TSG101: variants seen among roughly 807,000 people sequenced by gnomAD.
The protein encoded by TSG101 is tumor susceptibility 101.
Under a neutral mutation model 48.5 loss-of-function variants are expected in TSG101, and 19 were observed. The ratio of observed to expected loss-of-function variants is 0.39; its 90% confidence interval spans 0.27 to 0.58. TSG101 has a LOEUF of 0.58. Ranked by LOEUF, TSG101 falls within the 20% of genes least tolerant of loss-of-function variation. TSG101 has a pLI of 0.55. For synonymous variants in TSG101, 174 were observed against 169.4 expected (o/e 1.03, Z -0.21); for missense variants, 365 against 484.4 (o/e 0.75, Z 2.31).
In TSG101 at chr11:18,481,780, G is replaced by C; in HGVS notation, c.933C>G (p.Asn311Lys). Residue 311 changes from asparagine (N) to lysine (K), a missense_variant, in exon 9 of 10, where the codon AAC (asparagine) becomes AAG (lysine). Transcript: ENST00000251968. ...ALEKMENQSE[N>K]NDIDEVIIPT... ...GAATGATAACTTCATCGATATCATT[G>C]TTTTCAGACTGATTTTCCATTTTTT... The C allele has an allele frequency of 1.2e-6, 2 of 1,614,122 alleles. No individual in the cohort carries two copies. The highest frequency in any genetic ancestry group is 1.7e-6 in the Non-Finnish European group (2 of 1,180,020).
At chr11:18,517,392 G>A (rs1341643861) in intron 2 of TSG101, among the ~76,000 whole-genome samples, 1 of 152,074 alleles carries the variant, frequency 6.6e-6, no homozygotes, top group Non-Finnish European at 1.5e-5. Flanking sequence ...TAATTAATAT[G>A]GCACATAGTT....
chr11:18,508,221 CTTTTT>C (rs528297285), intron 5 of TSG101, among the ~76,000 whole-genome samples: 6 of 135,886 alleles, frequency 4.4e-5, no homozygotes, highest in African/African-American at 5.4e-5. Context: ...TATTTGATAT[CTTTTT>C]TTTTTTTTTT....
intron 6 of TSG101, among the ~76,000 whole-genome samples, chr11:18,502,983 C>T (rs1453397698): frequency 6.6e-6 from 1 of 152,094 alleles, no homozygotes; most frequent in African/African-American, 2.4e-5. Flanking sequence ...ATATTTAACC[C>T]GAAAACACTT....
At chr11:18,498,997 C>T (rs543680427) in intron 7 of TSG101, among the ~76,000 whole-genome samples, 1 of 151,442 alleles carries the variant, frequency 6.6e-6, no homozygotes, top group South Asian at 2.1e-4. Flanking sequence ...TTGGATGTAA[C>T]CTCAAAAAGT....
chr11:18,516,005 G>A, intron 3 of TSG101, 94 bp downstream of exon 3: 9 of 1,110,266 alleles, frequency 8.1e-6, no homozygotes, highest in African/African-American at 1.6e-5. Context: ...TCAAAGCCCT[G>A]AGAAAGTAGG....
Position 18,480,351 on chromosome 11 carries a change from CAA to C in TSG101, c.*193_*194del, listed in dbSNP as rs1261243950. On this transcript the variant is annotated 3_prime_UTR_variant, in exon 10 of 10. Coordinates refer to ENST00000251968, the MANE Select transcript of TSG101 (RefSeq NM_006292.4). ...TATTTAGCAGTCCCAACATTCAGCA[CAA>C]AAAGTTTACAGAGGATAGAAAGTGC... 4 of 403,812 alleles carry C rather than the reference CAA, an allele frequency of 9.9e-6. No individual in the cohort carries two copies. The highest frequency in any genetic ancestry group is 6.1e-5 in the African/African-American group (3 of 48,950). The allele number at this position is 403,812 out of a possible 1,614,324, so 25.0% of individuals were successfully genotyped here. A position where few individuals can be genotyped will look rare whatever the true frequency, so the allele number is the denominator to read the frequency against.
At chr11:18,520,508 G>A (rs16935515) in intron 1 of TSG101, among the ~76,000 whole-genome samples, 3,810 of 152,234 alleles carry the variant, frequency 0.025, 63 homozygotes, top group Non-Finnish European at 0.039. Context: ...TTACAGGCAC[G>A]TATGGCCCAC....
chr11:18,490,328 G>A, intron 7 of TSG101: 1 of 596,850 alleles, frequency 1.7e-6, no homozygotes, highest in Non-Finnish European at 3.2e-6. Context: ...TCAGAGTGCT[G>A]TCTTTATAAG....
chr11:18,481,747 A>T lies in TSG101; in HGVS notation c.966T>A (p.Ala322=), dbSNP rs750598030. ...GATTCAGGATCTGTTTGTATAAGGGAGCTGTGGGAATGATAACTTCATCGA... is the reference window on the plus strand; with the variant it reads ...GATTCAGGATCTGTTTGTATAAGGGTGCTGTGGGAATGATAACTTCATCGA... ...NDIDEVIIPT[A]PLYKQILNLY... Residue 322 remains alanine (A), a synonymous_variant, in exon 9 of 10, where the codon GCT becomes GCA. Transcript: ENST00000251968. The T allele has an allele frequency of 1.2e-6, 2 of 1,614,144 alleles. No homozygotes were observed. The highest frequency in any genetic ancestry group is 1.7e-6 in the Non-Finnish European group (2 of 1,180,022).
At chr11:18,521,669 C>CTTTTTTTTTTTTTTTTTTT (rs1565096217) in intron 1 of TSG101, among the ~76,000 whole-genome samples, 1 of 111,440 alleles carries the variant, frequency 9.0e-6, no homozygotes. Context: ...CTGGCCCCTT[C>CTTTTTTTTTTTTTTTTTTT]CTTTTTTTTT....
intron 1 of TSG101, among the ~76,000 whole-genome samples, chr11:18,526,064 C>T (rs1334643299): frequency 3.9e-5 from 6 of 151,900 alleles, no homozygotes; most frequent in African/African-American, 1.2e-4. Flanking sequence ...GTGTGAGGTG[C>T]CACGTTTGAA....
chr11:18,491,580 TATTTTA>T (rs1485962706), intron 7 of TSG101, among the ~76,000 whole-genome samples: 6 of 152,250 alleles, frequency 3.9e-5, no homozygotes, highest in Admixed American at 6.5e-5. Flanking sequence ...TTCCTCAGCC[TATTTTA>T]ATCTGTATCT....
At chr11:18,507,070 C>A (rs1849986568) in intron 5 of TSG101, 147 bp from the exon 6 acceptor site, 1 of 472,006 alleles carries the variant, frequency 2.1e-6, no homozygotes, top group Non-Finnish European at 3.7e-6. Context: ...AAAACAAATA[C>A]CTCTCCCTTT....
At chr11:18,494,753 G>C (rs1355270371) in intron 7 of TSG101, among the ~76,000 whole-genome samples, 1 of 152,082 alleles carries the variant, frequency 6.6e-6, no homozygotes, top group Non-Finnish European at 1.5e-5. Flanking sequence ...GCGTGCACTA[G>C]TAAACCCACA....
chr11:18,511,800 C>T (rs1283522590), intron 4 of TSG101, among the ~76,000 whole-genome samples: 1 of 152,180 alleles, frequency 6.6e-6, no homozygotes, highest in African/African-American at 2.4e-5. Context: ...TCCCGTTTCC[C>T]TTTCCCCACA....
rs540996156 is a variant in TSG101, at chr11:18,501,988, G to C, written c.640+498C>G. Among the ~76,000 whole-genome samples, 24 of 152,324 alleles carry C rather than the reference G, an allele frequency of 1.6e-4. No individual in the cohort carries two copies. In the South Asian group the frequency reaches 5.0e-3, roughly 32 times the overall value. On this transcript the variant is annotated intron_variant, in intron 7 of 9. Coordinates refer to ENST00000251968, the MANE Select transcript of TSG101 (RefSeq NM_006292.4). ...ATGGTGGTGCAGGTAGTGGGAGATAGGCATAGGTGAAGGCTGGAGTCTAAA... is the reference window on the plus strand; with the variant it reads ...ATGGTGGTGCAGGTAGTGGGAGATACGCATAGGTGAAGGCTGGAGTCTAAA...
intron 1 of TSG101, among the ~76,000 whole-genome samples, chr11:18,524,437 A>T (rs545624897): frequency 2.0e-5 from 3 of 152,296 alleles, no homozygotes; most frequent in South Asian, 4.1e-4. Context: ...CACCCTAGCT[A>T]TGTGTTCAGG....
intron 7 of TSG101, among the ~76,000 whole-genome samples, chr11:18,492,754 G>C (rs191271623): frequency 7.1e-6 from 1 of 140,314 alleles, no homozygotes; most frequent in African/African-American, 2.6e-5. Flanking sequence ...TTAAAAAATC[G>C]AACTACTTTG....
rs1047192444 is a variant in TSG101 at position 18,522,652 on chromosome 11, C to T, written c.43-3049G>A. 4.6e-5 allele frequency among the ~76,000 whole-genome samples: 7 copies of T among 152,186 alleles called. No individual in the cohort carries two copies. In the East Asian group the frequency reaches 9.6e-4, roughly 21 times the overall value. On this transcript the variant is annotated intron_variant, in intron 1 of 9. Transcript: ENST00000251968. Reference sequence around the variant, plus strand: ...ATTGCTAACAGCTGAAACACAGCAACGGCTTTTCATCATACTCCAAGTAAA... The same window carrying T: ...ATTGCTAACAGCTGAAACACAGCAATGGCTTTTCATCATACTCCAAGTAAA...
Sources: gnomAD v4.1 joint callset for allele counts (sites outside exome capture counted in the v4.1 genomes callset) on GRCh38, gnomAD v4.1.1 for gene constraint, MANE v1.5 for transcripts, NCBI Gene and HGNC (gene_info 2026-07-23, HGNC 2026-07-21) for gene names.